PKD1L1: variants seen among roughly 807,000 people sequenced by gnomAD.
PKD1L1 encodes polycystin 1 like 1, transient receptor potential channel interacting.
A neutral mutation model predicts 323.4 loss-of-function variants in PKD1L1; 236 were observed. That is an observed-to-expected ratio of 0.73 (90% CI 0.66 to 0.81). The LOEUF is 0.81. PKD1L1 is among the 40% of genes least tolerant of loss of function. The probability of loss-of-function intolerance (pLI) is 0.00; values close to 1 mark genes in which losing one functional copy is unlikely to be tolerated. For synonymous variants in PKD1L1, 1,344 were observed against 1,335.0 expected, an observed-to-expected ratio of 1.01 and a Z score of -0.15; for missense variants, 3,320 against 3,508.0, an observed-to-expected ratio of 0.95 and a Z score of 1.35.
At chr7:47,915,381 G>C (rs1213574452) in intron 8 of PKD1L1, 51 bp downstream of exon 8, 3 of 779,892 alleles carry the variant, frequency 3.8e-6, no homozygotes, top group Admixed American at 3.4e-5. Context: ...CTGACAAACA[G>C]CTTTATATCA....
chr7:47,926,637 G>C (rs1787660797), intron 7 of PKD1L1, among the ~76,000 whole-genome samples: 1 of 152,074 alleles, frequency 6.6e-6, no homozygotes, highest in African/African-American at 2.4e-5. Context: ...TTTTATACTA[G>C]TCAGTGTGAG....
At chr7:47,877,392 G>C (rs1370765288) in intron 22 of PKD1L1, 97 bp downstream of exon 22, 7 of 1,499,518 alleles carry the variant, frequency 4.7e-6, no homozygotes, top group Admixed American at 3.7e-5. Flanking sequence ...AGGTGGGAAG[G>C]ACATTGCTGT....
chr7:47,857,889 T>TGA (rs1785940808), intron 27 of PKD1L1, 57 bp from the exon 28 acceptor site: 1 of 1,523,132 alleles, frequency 6.6e-7, no homozygotes, highest in Admixed American at 1.7e-5. Flanking sequence ...CAAACTGTCT[T>TGA]GAATCCAGAC....
At chr7:47,904,240 T>C in intron 12 of PKD1L1, 138 bp downstream of exon 12, 1 of 1,199,882 alleles carries the variant, frequency 8.3e-7, no homozygotes, top group Non-Finnish European at 1.2e-6. Context: ...GGTCAGGTCT[T>C]ATTTGTCTCT....
intron 56 of PKD1L1, among the ~76,000 whole-genome samples, chr7:47,786,247 C>T (rs751979646): frequency 2.0e-4 from 30 of 150,800 alleles, no homozygotes; most frequent in South Asian, 2.1e-4. Flanking sequence ...ACGGGGGCTA[C>T]GTAAACGCAT....
At chr7:47,849,443 T>C (rs1785733578) in intron 31 of PKD1L1, among the ~76,000 whole-genome samples, 1 of 152,236 alleles carries the variant, frequency 6.6e-6, no homozygotes, top group South Asian at 2.1e-4. Context: ...ATTTGCAAAC[T>C]ATGCATCTGA....
At chr7:47,920,097 C>T (rs998994403) in intron 7 of PKD1L1, among the ~76,000 whole-genome samples, 2 of 151,952 alleles carry the variant, frequency 1.3e-5, no homozygotes, top group African/African-American at 2.4e-5. Context: ...ATGATATGAT[C>T]GTATATCTAG....
chr7:47,849,981 G>C (rs951082220), intron 31 of PKD1L1, among the ~76,000 whole-genome samples: 1 of 152,092 alleles, frequency 6.6e-6, no homozygotes, highest in Non-Finnish European at 1.5e-5. Flanking sequence ...AGGATGAAAA[G>C]GCATAAGAAT....
At chr7:47,921,407 T>C (rs1787535716) in intron 7 of PKD1L1, among the ~76,000 whole-genome samples, 1 of 152,172 alleles carries the variant, frequency 6.6e-6, no homozygotes, top group South Asian at 2.1e-4. Flanking sequence ...TTGGTGTGGA[T>C]GCAGTGAACA....
At chr7:47,872,570 A>G (rs969032933) in intron 24 of PKD1L1, among the ~76,000 whole-genome samples, 3 of 152,258 alleles carry the variant, frequency 2.0e-5, no homozygotes, top group Non-Finnish European at 4.4e-5. Context: ...CAAGGAAGAT[A>G]TACAAAGCAT....
intron 46 of PKD1L1, among the ~76,000 whole-genome samples, chr7:47,820,177 A>G (rs1785110155): frequency 6.6e-6 from 1 of 152,236 alleles, no homozygotes; most frequent in Non-Finnish European, 1.5e-5. Flanking sequence ...CTCTCAAAAA[A>G]AAGAAGACTA....
chr7:47,864,630 T>TTCTTTCTTTC (rs1310416012), intron 26 of PKD1L1, among the ~76,000 whole-genome samples: 1 of 142,772 alleles, frequency 7.0e-6, no homozygotes, highest in Admixed American at 7.0e-5. Flanking sequence ...CTTTCTTTCT[T>TTCTTTCTTTC]TCTTTCCTTC....
At chr7:47,838,478 G>A (rs1583610181) in intron 36 of PKD1L1, among the ~76,000 whole-genome samples, 1 of 152,290 alleles carries the variant, frequency 6.6e-6, no homozygotes, top group East Asian at 1.9e-4. Context: ...AGTTATAAAT[G>A]CCCAACAGGT....
intron 56 of PKD1L1, among the ~76,000 whole-genome samples, chr7:47,780,218 C>G (rs921776911): frequency 3.9e-5 from 6 of 152,164 alleles, no homozygotes; most frequent in African/African-American, 1.4e-4. Flanking sequence ...CACCAAGATC[C>G]CTTCTGCTGT....
intron 14 of PKD1L1, 125 bp from the exon 15 acceptor site, chr7:47,894,184 A>G (rs1314401908): frequency 7.4e-6 from 6 of 813,060 alleles, no homozygotes; most frequent in South Asian, 6.0e-5. Context: ...GGCTCCAACT[A>G]AAACAGTCTT....
intron 56 of PKD1L1, among the ~76,000 whole-genome samples, chr7:47,780,358 G>A (rs1010884469): frequency 1.3e-5 from 2 of 152,102 alleles, no homozygotes; most frequent in African/African-American, 4.8e-5. Flanking sequence ...TTGGCCTGGC[G>A]CTGTGGCTCA....
chr7:47,856,178 C>T (rs1483984188), intron 28 of PKD1L1, among the ~76,000 whole-genome samples: 1 of 152,058 alleles, frequency 6.6e-6, no homozygotes, highest in Non-Finnish European at 1.5e-5. Context: ...GCTGGGACTA[C>T]AGGCACGTGC....
At chr7:47,949,172 C>T (rs987160616), upstream of PKD1L1, among the ~76,000 whole-genome samples, 2 of 151,722 alleles carry the variant, frequency 1.3e-5, no homozygotes, top group Non-Finnish European at 2.9e-5. Flanking sequence ...AGCTCGAGAC[C>T]AGCCTGGCCA....
chr7:47,940,455 G>T, intron 2 of PKD1L1, 138 bp from the exon 3 acceptor site: 1 of 760,064 alleles, frequency 1.3e-6, no homozygotes, highest in Non-Finnish European at 2.1e-6. Context: ...ATGAAGATGC[G>T]TGTCCTTGGG....
Sources: allele counts gnomAD v4.1 joint callset (sites outside exome capture counted in the v4.1 genomes callset), GRCh38; gene constraint gnomAD v4.1.1; transcripts MANE v1.5; gene names NCBI Gene and HGNC (gene_info 2026-07-23, HGNC 2026-07-21).